Variants in NMT2 observed in about 807,000 individuals in gnomAD.
NMT2 encodes the protein N-myristoyltransferase 2, also known as glycylpeptide N-tetradecanoyltransferase 2.
A neutral mutation model predicts 65.4 loss-of-function variants in NMT2; 35 were observed. The ratio of observed to expected loss-of-function variants is 0.54; its 90% confidence interval spans 0.41 to 0.71. The LOEUF is 0.71. NMT2 is among the 30% of genes least tolerant of loss of function. The pLI, the probability that NMT2 is intolerant of heterozygous loss-of-function variation, is 0.00. For synonymous variants in NMT2, 226 were observed against 231.8 expected (o/e 0.98, Z 0.23); for missense variants, 489 against 611.3 (o/e 0.80, Z 2.11).
At chr10:15,143,129 A>G (rs1484969144) in intron 1 of NMT2, among the ~76,000 whole-genome samples, 3 of 152,232 alleles carry the variant, frequency 2.0e-5, no homozygotes, top group Admixed American at 6.5e-5. Context: ...AGGTGGTGCC[A>G]TCACATATTC....
intron 10 of NMT2, chr10:15,111,650 G>T (rs1018098301): frequency 7.9e-5 from 12 of 151,412 alleles, no homozygotes; most frequent in African/African-American, 2.9e-4. Context: ...TGCAAAATGT[G>T]ATATAGAAGA....
At position 15,141,690 on chromosome 10, in the gene NMT2, G is replaced by A. The variant is rs924507483; in HGVS notation, c.111-133C>T. On this transcript the variant is annotated intron_variant, in intron 1 of 11. Coordinates refer to ENST00000378165, the MANE Select transcript of NMT2 (RefSeq NM_004808.3). ...TAGAAAATAACTGTGTTAGGATGTA[G>A]GTGAGGAATAAAAGGTAGTGGAGTG... 4 of 1,205,596 alleles carry A rather than the reference G, an allele frequency of 3.3e-6. No individual in the cohort carries two copies. In the African/African-American group the frequency reaches 6.1e-5, roughly 18 times the overall value. 74.7% of individuals were successfully genotyped at this position (1,205,596 alleles called of 1,614,324 possible). A position where few individuals can be genotyped will look rare whatever the true frequency, so the allele number is the denominator to read the frequency against.
intron 1 of NMT2, among the ~76,000 whole-genome samples, chr10:15,160,780 T>C (rs1189403809): frequency 6.7e-6 from 1 of 149,882 alleles, no homozygotes; most frequent in Non-Finnish European, 1.5e-5. Context: ...TTGCAAAAAA[T>C]AAAAAATAAA....
intron 1 of NMT2, 180 bp downstream of exon 1, chr10:15,168,323 C>G (rs1235572504): frequency 1.8e-6 from 1 of 547,858 alleles, no homozygotes; most frequent in Admixed American, 3.6e-5. Context: ...TCCCCGCGCA[C>G]TGCACTCTCC....
intron 4 of NMT2, 35 bp from the exon 5 acceptor site, chr10:15,133,179 T>C (rs893494186): frequency 5.3e-5 from 85 of 1,603,840 alleles, no homozygotes; most frequent in Non-Finnish European, 7.3e-5. Context: ...TCCATGGTGC[T>C]CAGAATCAAC....
At chr10:15,117,933 A>C (rs1284976511) in intron 9 of NMT2, among the ~76,000 whole-genome samples, 2 of 152,232 alleles carry the variant, frequency 1.3e-5, no homozygotes, top group African/African-American at 2.4e-5. Flanking sequence ...AGACTTTTCA[A>C]TTATCCTCAA....
At chr10:15,125,208 G>A (rs893655815) in intron 8 of NMT2, among the ~76,000 whole-genome samples, 12 of 152,342 alleles carry the variant, frequency 7.9e-5, no homozygotes, top group African/African-American at 2.9e-4. Flanking sequence ...ATTGAATAAT[G>A]TATTTGAAAG....
intron 1 of NMT2, among the ~76,000 whole-genome samples, chr10:15,144,381 G>C (rs1846883366): frequency 1.3e-5 from 2 of 152,072 alleles, no homozygotes; most frequent in Non-Finnish European, 2.9e-5. Flanking sequence ...ACGAGACTTT[G>C]AGAATAAGAG....
intron 8 of NMT2, among the ~76,000 whole-genome samples, chr10:15,127,874 G>C (rs981984170): frequency 3.1e-4 from 46 of 149,414 alleles, no homozygotes; most frequent in Non-Finnish European, 6.0e-4. Context: ...TTGCGCTGAA[G>C]GGGCAACAGA....
At chr10:15,155,055 A>G (rs1379392118) in intron 1 of NMT2, 3 of 1,287,594 alleles carry the variant, frequency 2.3e-6, no homozygotes, top group Non-Finnish European at 3.4e-6. Context: ...TGTATGCTTC[A>G]GAATGAAGTT....
At chr10:15,141,635 C>A in intron 1 of NMT2, 78 bp from the exon 2 acceptor site, 1 of 1,487,316 alleles carries the variant, frequency 6.7e-7, no homozygotes, top group South Asian at 1.3e-5. Flanking sequence ...TACAATTAAT[C>A]ATTTCAAAAA....
At chr10:15,133,672 C>T (rs953809137) in intron 3 of NMT2, among the ~76,000 whole-genome samples, 2 of 152,162 alleles carry the variant, frequency 1.3e-5, no homozygotes, top group African/African-American at 4.8e-5. Context: ...CTGAAGCCTT[C>T]AACTCCTGGG....
intron 1 of NMT2, among the ~76,000 whole-genome samples, chr10:15,161,374 CAG>C (rs912737243): frequency 8.6e-5 from 13 of 151,954 alleles, no homozygotes; most frequent in African/African-American, 3.1e-4. Context: ...TTTTTTGAGA[CAG>C]AGTCTTGCTC....
chr10:15,109,085 C>T lies in NMT2; in HGVS notation c.*110G>A. 2 of 1,546,248 alleles carry T rather than the reference C, an allele frequency of 1.3e-6. No individual in the cohort carries two copies. Among genetic ancestry groups the T allele is most frequent in the South Asian group, 1.2e-5 (1 of 81,980 alleles). Reference sequence around the variant, plus strand: ...TGTCATCTTTTCTGATTATCGACTACTTCAATTTCACTTGAGTTGTGCTTT... The same window carrying T: ...TGTCATCTTTTCTGATTATCGACTATTTCAATTTCACTTGAGTTGTGCTTT... On this transcript the variant is annotated 3_prime_UTR_variant, in exon 12 of 12. Transcript: ENST00000378165.
chr10:15,146,099 T>C (rs557109992), intron 1 of NMT2, among the ~76,000 whole-genome samples: 1 of 152,166 alleles, frequency 6.6e-6, no homozygotes, highest in African/African-American at 2.4e-5. Flanking sequence ...AGAACTCAAG[T>C]CCCACCTCCC....
chr10:15,126,812 G>A (rs1846087334), intron 8 of NMT2, among the ~76,000 whole-genome samples: 1 of 152,214 alleles, frequency 6.6e-6, no homozygotes, highest in South Asian at 2.1e-4. Context: ...CAGAAGCTGT[G>A]TGATAATAAA....
intron 9 of NMT2, among the ~76,000 whole-genome samples, chr10:15,114,746 T>C (rs907624521): frequency 4.6e-5 from 7 of 152,214 alleles, no homozygotes; most frequent in Admixed American, 2.6e-4. Context: ...CTCATGCCTG[T>C]AATCTCAGCA....
intron 1 of NMT2, among the ~76,000 whole-genome samples, chr10:15,166,179 T>G (rs1833372819): frequency 6.6e-6 from 1 of 152,182 alleles, no homozygotes; most frequent in Admixed American, 6.5e-5. Flanking sequence ...ACTTAATATG[T>G]CTAAAAGGAC....
intron 1 of NMT2, among the ~76,000 whole-genome samples, chr10:15,146,517 T>G (rs1275366220): frequency 6.6e-6 from 1 of 152,192 alleles, no homozygotes; most frequent in Non-Finnish European, 1.5e-5. Flanking sequence ...TGTCACTTCC[T>G]GCTGCCCAGA....
Sources: gnomAD v4.1 joint callset for allele counts (sites outside exome capture counted in the v4.1 genomes callset) on GRCh38, gnomAD v4.1.1 for gene constraint, MANE v1.5 for transcripts, NCBI Gene and HGNC (gene_info 2026-07-23, HGNC 2026-07-21) for gene names.